Variants in DMGDH observed in about 807,000 individuals in gnomAD.
DMGDH encodes dimethylglycine dehydrogenase, mitochondrial.
In DMGDH, 76 loss-of-function variants were observed where a neutral mutation model predicts 95.2. The ratio of observed to expected loss-of-function variants is 0.80; its 90% CI spans 0.66 to 0.97. The LOEUF (loss-of-function observed/expected upper bound fraction) is 0.97, where lower values mean the gene tolerates loss of function less well. Among genes scored for constraint, DMGDH ranks in the 50% least tolerant of loss-of-function variants. The probability of loss-of-function intolerance (pLI) is 0.00; values close to 1 mark genes in which losing one functional copy is unlikely to be tolerated. For missense variants in DMGDH, 987 were observed against 1,055.0 expected, an observed-to-expected ratio of 0.94 and a Z score of 0.89; for synonymous variants, 345 against 377.6, an observed-to-expected ratio of 0.91 and a Z score of 1.00.
At chr5:79,033,582 C>A (rs1054333847) in intron 7 of DMGDH, among the ~76,000 whole-genome samples, 174 bp from the exon 8 acceptor site, 7 of 152,104 alleles carry the variant, frequency 4.6e-5, no homozygotes, top group Admixed American at 2.0e-4. Flanking sequence ...GTTTAGGCAT[C>A]CAAATTAAAT....
chr5:79,035,209 T>C (rs1039435345), intron 7 of DMGDH, among the ~76,000 whole-genome samples: 8 of 152,186 alleles, frequency 5.3e-5, no homozygotes, highest in Admixed American at 2.0e-4. Flanking sequence ...ATTAAATATA[T>C]GCTTAAAATG....
rs376999501 is a variant in DMGDH at position 79,062,628 on chromosome 5, T to C, written c.276+985A>G. The stretch of plus-strand genomic sequence containing the variant: ...CAATCCCTTCATCTACCTGGGCAGC[T>C]TTCCAGGTAAGCCTAGTCAATTATG... On this transcript the variant is annotated intron_variant, in intron 2 of 15. Coordinates refer to ENST00000255189, the MANE Select transcript of DMGDH (RefSeq NM_013391.3). Among the ~76,000 whole-genome samples, 19 of 152,216 alleles carry C rather than the reference T, an allele frequency of 1.2e-4. 1 individual carries two copies. The highest frequency in any genetic ancestry group is 6.5e-4 in the Admixed American group (10 of 15,294).
chr5:79,038,934 G>A (rs1226384658), intron 7 of DMGDH, among the ~76,000 whole-genome samples: 1 of 151,978 alleles, frequency 6.6e-6, no homozygotes, highest in Non-Finnish European at 1.5e-5. Context: ...AGACATTTAT[G>A]CAGCAAAAAG....
At chr5:79,013,938 A>G (rs1446901321) in intron 14 of DMGDH, among the ~76,000 whole-genome samples, 2 of 152,162 alleles carry the variant, frequency 1.3e-5, no homozygotes, top group African/African-American at 4.8e-5. Context: ...ACCTCCAACA[A>G]TGGGGATTAC....
Position 79,030,806 on chromosome 5 carries a change from A to G in DMGDH, c.1683+27T>C, listed in dbSNP as rs750152202. 6.8e-6 allele frequency: 11 copies of G among 1,610,964 alleles called. No individual in the cohort carries two copies. In the South Asian group the frequency reaches 1.2e-4, roughly 18 times the overall value. Reference sequence around the variant, plus strand: ...AGAATTAAATAGGTCAGAATCCTGGACCTTGTATCCCTACAAGGCTATTTA... The same window carrying G: ...AGAATTAAATAGGTCAGAATCCTGGGCCTTGTATCCCTACAAGGCTATTTA... On this transcript the variant is annotated intron_variant, in intron 10 of 15. Transcript: ENST00000255189.
chr5:79,029,921 T>A lies in DMGDH; in HGVS notation c.1797A>T (p.Ser599=), dbSNP rs1233270960. Residue 599 remains serine (S), a synonymous_variant, in exon 11 of 16, where the codon TCA becomes TCT. Transcript: ENST00000255189. ...GCACTTACCTAAGATCATGAAGTTC[T>A]GATCCAGAGCCAGTAATTAAAAGAA... ...GEFLLITGSG[S]ELHDLRWIEE... is the part of the protein sequence containing the mutation. 1.2e-6 allele frequency: 2 copies of A among 1,613,968 alleles called. No individual in the cohort carries two copies. Among genetic ancestry groups the A allele is most frequent in the African/African-American group, 2.7e-5 (2 of 74,936 alleles).
intron 12 of DMGDH, among the ~76,000 whole-genome samples, chr5:79,027,307 G>A (rs966292577): frequency 2.6e-5 from 4 of 152,108 alleles, no homozygotes; most frequent in Admixed American, 6.5e-5. Context: ...TTACAGGTAT[G>A]AGCCACTGCA....
chr5:79,068,567 T>C (rs1755447880), intron 1 of DMGDH, among the ~76,000 whole-genome samples: 1 of 152,200 alleles, frequency 6.6e-6, no homozygotes, highest in South Asian at 2.1e-4. Flanking sequence ...CAACACCCAG[T>C]AAATATTTGT....
intron 14 of DMGDH, among the ~76,000 whole-genome samples, chr5:79,016,797 G>A (rs1401508355): frequency 6.6e-6 from 1 of 152,154 alleles, no homozygotes; most frequent in African/African-American, 2.4e-5. Flanking sequence ...CCTTATTTGA[G>A]CAACAGTAAT....
chr5:79,012,819 T>C (rs1450956338), intron 14 of DMGDH, among the ~76,000 whole-genome samples: 2 of 152,232 alleles, frequency 1.3e-5, no homozygotes, highest in African/African-American at 4.8e-5. Flanking sequence ...CAGGGAGCAG[T>C]GTCCCAATGC....
intron 15 of DMGDH, chr5:79,000,491 G>A (rs1041401642): frequency 8.3e-6 from 5 of 604,932 alleles, no homozygotes; most frequent in Middle Eastern, 2.8e-4. Context: ...GTACTTATTC[G>A]GTCTGTAACA....
chr5:79,025,950 G>A (rs1020304846), intron 13 of DMGDH, among the ~76,000 whole-genome samples: 2 of 152,132 alleles, frequency 1.3e-5, no homozygotes, highest in African/African-American at 4.8e-5. Flanking sequence ...ATATGTAAAT[G>A]GTTAAAGCAC....
intron 1 of DMGDH, among the ~76,000 whole-genome samples, chr5:79,065,272 G>A (rs774079525): frequency 1.5e-4 from 22 of 147,168 alleles, no homozygotes; most frequent in Non-Finnish European, 2.2e-4. Flanking sequence ...AGGCTGGAGT[G>A]CAGTGGCGCC....
At chr5:79,067,276 GA>G (rs1189893646) in intron 1 of DMGDH, among the ~76,000 whole-genome samples, 1 of 152,076 alleles carries the variant, frequency 6.6e-6, no homozygotes, top group African/African-American at 2.4e-5. Flanking sequence ...TGCTGTGTGA[GA>G]AAAAAATAAT....
chr5:79,020,528 T>C (rs990907132), intron 14 of DMGDH: 2 of 314,108 alleles, frequency 6.4e-6, no homozygotes, highest in East Asian at 3.4e-4. Context: ...ACCTGGGGTG[T>C]GGAAGGCTTG....
rs978974869 is a variant in DMGDH at position 78,999,648 on chromosome 5, T to G, written c.2386-1351A>C. Among the ~76,000 whole-genome samples, 17 of 152,314 alleles carry G rather than the reference T, an allele frequency of 1.1e-4. No individual in the cohort carries two copies. The East Asian group carries it at 1.9e-3, about 17-fold the overall frequency. On this transcript the variant is annotated intron_variant, in intron 15 of 15. Transcript: ENST00000255189. ...ACGCCCGGCTGTTCTCCATATGATT[T>G]CTAAACTTACTGTGAAAACTGGTTG...
At chr5:79,013,184 C>T (rs1174301334) in intron 14 of DMGDH, among the ~76,000 whole-genome samples, 1 of 152,212 alleles carries the variant, frequency 6.6e-6, no homozygotes, top group Non-Finnish European at 1.5e-5. Flanking sequence ...ATCTTGAATG[C>T]TTTGCTGCTT....
At chr5:78,998,780 G>A (rs1753402529) in intron 15 of DMGDH, among the ~76,000 whole-genome samples, 1 of 152,192 alleles carries the variant, frequency 6.6e-6, no homozygotes. Context: ...AACCCGGGAG[G>A]TGGAGGTTGC....
In DMGDH at chr5:79,063,791, G is replaced by A. The variant is rs751569422; in HGVS notation, c.102-4C>T. On this transcript the variant is annotated splice_polypyrimidine_tract_variant and splice_region_variant and intron_variant, in intron 1 of 15. Transcript: ENST00000255189. ...AGATAAGGGTGGTTTTTCCTCTCTG[G>A]AAGAGGGAAAGTTAAAATGGGAACT... 12 of 1,614,100 alleles carry A rather than the reference G, an allele frequency of 7.4e-6. No homozygotes were observed. The Middle Eastern group carries it at 1.5e-3, about 200-fold the overall frequency.
Sources: allele counts gnomAD v4.1 joint callset (sites outside exome capture counted in the v4.1 genomes callset), GRCh38; gene constraint gnomAD v4.1.1; transcripts MANE v1.5; gene names NCBI Gene and HGNC (gene_info 2026-07-23, HGNC 2026-07-21).